ZNF469: variants seen among roughly 807,000 people sequenced by gnomAD.
ZNF469 encodes zinc finger protein 469.
Under a neutral mutation model 1.0 loss-of-function variants are expected in ZNF469, and 1 was observed. That is an observed-to-expected ratio of 1.00 (90% confidence interval 0.35 to 4.73). ZNF469 has a LOEUF of 4.73. Among genes scored for constraint, ZNF469 ranks in the 30% most tolerant of loss-of-function variants. ZNF469 has a pLI of 0.16. For synonymous variants in ZNF469, 2,703 were observed against 2,363.4 expected (o/e 1.14, Z -4.17); for missense variants, 6,100 against 5,356.3 (o/e 1.14, Z -4.33).
At chr16:88,161,546 G>A in the ZNF469 span, among the ~76,000 whole-genome samples, 5 of 152,310 alleles carry the variant, frequency 3.3e-5, no homozygotes, top group Non-Finnish European at 5.9e-5. Flanking sequence ...ACCACTCAGC[G>A]TTTAGAGAAA....
the ZNF469 span, among the ~76,000 whole-genome samples, chr16:88,200,506 C>T: frequency 1.1e-4 from 16 of 152,242 alleles, no homozygotes; most frequent in African/African-American, 3.4e-4. Context: ...TCTCTCCGCT[C>T]TCCCAGCTGA....
At chr16:88,117,453 CT>C in the ZNF469 span, among the ~76,000 whole-genome samples, 1 of 152,178 alleles carries the variant, frequency 6.6e-6, no homozygotes, top group Non-Finnish European at 1.5e-5. Flanking sequence ...TCTTTTTTTA[CT>C]TGGAGAGACA....
chr16:88,218,518 A>C, the ZNF469 span, among the ~76,000 whole-genome samples: 3 of 152,350 alleles, frequency 2.0e-5, no homozygotes, highest in South Asian at 4.1e-4. Flanking sequence ...GTCCTTGCCC[A>C]CATGATTATC....
the ZNF469 span, among the ~76,000 whole-genome samples, chr16:88,157,177 T>C: frequency 2.0e-5 from 3 of 151,528 alleles, no homozygotes; most frequent in African/African-American, 4.8e-5. Flanking sequence ...CCGAGGGACA[T>C]GCGCTTGTTG....
chr16:88,218,602 T>C, the ZNF469 span, among the ~76,000 whole-genome samples: 2 of 151,748 alleles, frequency 1.3e-5, no homozygotes, highest in African/African-American at 2.4e-5. Flanking sequence ...AAATTAGGTA[T>C]TGATGGGACG....
At chr16:88,213,439 T>G in the ZNF469 span, among the ~76,000 whole-genome samples, 27 of 152,306 alleles carry the variant, frequency 1.8e-4, no homozygotes, top group African/African-American at 6.3e-4. Context: ...AGAAGAAGAC[T>G]TCTTACATAT....
At chr16:88,256,895 C>CTTTCTCTCTTTCTTTCTTTCTTTCT in the ZNF469 span, among the ~76,000 whole-genome samples, 2 of 51,430 alleles carry the variant, frequency 3.9e-5, no homozygotes, top group African/African-American at 1.4e-4. Flanking sequence ...CTTTTCTTTC[C>CTTTCTCTCTTTCTTTCTTTCTTTCT]TTCTTTCTTT....
chr16:88,383,603 T>C (rs2092530804), intron 1 of ZNF469, among the ~76,000 whole-genome samples: 1 of 150,156 alleles, frequency 6.7e-6, no homozygotes, highest in Non-Finnish European at 1.5e-5. Flanking sequence ...AGCGAGGGGC[T>C]CGGGGAGCGG....
the ZNF469 span, among the ~76,000 whole-genome samples, chr16:88,187,927 G>C: frequency 2.0e-5 from 3 of 152,070 alleles, no homozygotes; most frequent in Admixed American, 2.0e-4. Flanking sequence ...TCTCAGGAAA[G>C]GGGCCTGGGA....
At chr16:88,405,119 T>C (rs558392050) in intron 1 of ZNF469, among the ~76,000 whole-genome samples, 2 of 151,772 alleles carry the variant, frequency 1.3e-5, no homozygotes, top group African/African-American at 4.8e-5. Context: ...TTGCCAACAA[T>C]GGGAGATTGG....
Position 88,429,054 on chromosome 16 carries a change from G to A in ZNF469, c.1584G>A (p.Pro528=), listed in dbSNP as rs143852982. The A allele has an allele frequency of 1.5e-3, 2,295 of 1,549,934 alleles. 24 individuals are homozygous for A. In the African/African-American group the frequency reaches 0.028, roughly 19 times the overall value. Residue 528 remains proline, a synonymous_variant, in exon 3 of 3, where the codon CCG becomes CCA. Transcript: ENST00000565624. ...QGALGTAGKT[P]GPREKLPAVR... is the part of the protein sequence containing the mutation. ...CCCTGGGCACTGCTGGCAAGACACC[G>A]GGACCCAGAGAGAAGCTGCCAGCCG...
the ZNF469 span, among the ~76,000 whole-genome samples, chr16:88,206,612 A>G: frequency 2.0e-5 from 3 of 151,958 alleles, no homozygotes; most frequent in African/African-American, 4.8e-5. Context: ...GGTCCAGCCC[A>G]GCAGCCAGAG....
chr16:88,273,393 A>C, the ZNF469 span, among the ~76,000 whole-genome samples: 1 of 151,956 alleles, frequency 6.6e-6, no homozygotes, highest in Non-Finnish European at 1.5e-5. Context: ...ACATGAAAAG[A>C]CGCACAATAT....
chr16:88,271,091 C>T, the ZNF469 span, among the ~76,000 whole-genome samples: 3 of 151,986 alleles, frequency 2.0e-5, no homozygotes, highest in African/African-American at 4.8e-5. Context: ...AGGGGTCCTC[C>T]TCTATAAGAG....
chr16:88,229,619 C>A, the ZNF469 span, among the ~76,000 whole-genome samples: 207 of 151,274 alleles, frequency 1.4e-3, 3 homozygotes, highest in South Asian at 0.011. Flanking sequence ...GTGCTGATGT[C>A]ACGCGTGTGG....
At chr16:88,158,275 G>A in the ZNF469 span, among the ~76,000 whole-genome samples, 1 of 152,106 alleles carries the variant, frequency 6.6e-6, no homozygotes, top group African/African-American at 2.4e-5. Flanking sequence ...AGGCCAGGGA[G>A]TGGGGGCAGC....
chr16:88,139,585 G>GC, the ZNF469 span, among the ~76,000 whole-genome samples: 2 of 151,286 alleles, frequency 1.3e-5, no homozygotes, highest in Non-Finnish European at 2.9e-5. Flanking sequence ...TTGTCCCCTG[G>GC]CCTGGGGACG....
the ZNF469 span, among the ~76,000 whole-genome samples, chr16:88,235,967 G>C: frequency 6.6e-6 from 1 of 152,186 alleles, no homozygotes; most frequent in African/African-American, 2.4e-5. Context: ...GTCACAGGTG[G>C]GTTCAAAGAC....
At chr16:88,147,239 A>G in the ZNF469 span, among the ~76,000 whole-genome samples, 1 of 152,020 alleles carries the variant, frequency 6.6e-6, no homozygotes, top group South Asian at 2.1e-4. Flanking sequence ...GGGGCCTGGG[A>G]AGCTGGAAAG....
Sources: allele counts gnomAD v4.1 joint callset (sites outside exome capture counted in the v4.1 genomes callset), GRCh38; gene constraint gnomAD v4.1.1; transcripts MANE v1.5; gene names NCBI Gene and HGNC (gene_info 2026-07-23, HGNC 2026-07-21).